Variants in IL1RAPL1 observed in about 807,000 individuals in gnomAD.
IL1RAPL1 encodes interleukin-1 receptor accessory protein-like 1.
IL1RAPL1 carries 3 observed loss-of-function variants against 48.4 expected under a neutral mutation model. That is an observed-to-expected ratio of 0.06 (90% CI 0.03 to 0.16). IL1RAPL1 has a LOEUF of 0.16. IL1RAPL1 is among the 10% of genes least tolerant of loss of function. IL1RAPL1 has a pLI of 1.00. For missense variants in IL1RAPL1, 349 were observed against 530.6 expected (o/e 0.66, Z 3.36); for synonymous variants, 185 against 187.7 (o/e 0.99, Z 0.12).
chrX:29,943,575 TCTA>T (rs1200033902), intron 9 of IL1RAPL1, among the ~76,000 whole-genome samples: 2 of 112,296 alleles, frequency 1.8e-5, no homozygotes, highest in African/African-American at 6.5e-5. Context: ...CATCTAAAGA[TCTA>T]CTGTTGTTTG....
intron 2 of IL1RAPL1, among the ~76,000 whole-genome samples, chrX:29,186,268 T>C (rs1378520404): frequency 8.9e-6 from 1 of 111,840 alleles, no homozygotes; most frequent in African/African-American, 3.2e-5. Flanking sequence ...TGAAAAATGA[T>C]GTAATTGGCC....
intron 6 of IL1RAPL1, among the ~76,000 whole-genome samples, chrX:29,676,961 GCAAAGTAAATGCCAATTTATCAGAA>G (rs1415465680): frequency 1.8e-5 from 2 of 112,103 alleles, no homozygotes; most frequent in Non-Finnish European, 3.8e-5. Flanking sequence ...TCCTGAATTT[GCAAAGTAAATGCCAATTTATCAGAA>G]ATAAACCTAT....
intron 3 of IL1RAPL1, among the ~76,000 whole-genome samples, chrX:29,364,756 C>T (rs1038133651): frequency 9.1e-6 from 1 of 110,345 alleles, no homozygotes; most frequent in Non-Finnish European, 1.9e-5. Flanking sequence ...TTAAAGTATA[C>T]AGGAGGATGT....
At chrX:29,528,669 C>A (rs976053532) in intron 5 of IL1RAPL1, among the ~76,000 whole-genome samples, 4 of 112,118 alleles carry the variant, frequency 3.6e-5, no homozygotes, top group Non-Finnish European at 7.5e-5. Context: ...GGGCTTGGCC[C>A]CTTTGAAGCC....
intron 3 of IL1RAPL1, among the ~76,000 whole-genome samples, chrX:29,367,595 TATTG>T (rs1204762435): frequency 1.9e-5 from 2 of 105,477 alleles, no homozygotes; most frequent in Non-Finnish European, 3.9e-5. Context: ...TTTATTTATT[TATTG>T]AGATGAAGTT....
intron 3 of IL1RAPL1, among the ~76,000 whole-genome samples, chrX:29,333,969 G>A (rs1602177771): frequency 2.4e-5 from 2 of 83,938 alleles, no homozygotes; most frequent in African/African-American, 4.6e-5. Flanking sequence ...CTGGCCGGGC[G>A]GGGGGCTGAC....
chrX:29,009,570 A>G (rs138535313), intron 2 of IL1RAPL1, among the ~76,000 whole-genome samples: 61 of 111,657 alleles, frequency 5.5e-4, no homozygotes, highest in Non-Finnish European at 8.9e-4. Context: ...TGCTGTAGGC[A>G]TGTGACTTTA....
Position 29,413,473 on chromosome X carries a change from T to C in IL1RAPL1, c.703+14165T>C, listed in dbSNP as rs757767100. Among the ~76,000 whole-genome samples, 754 of 108,583 alleles carry C rather than the reference T, an allele frequency of 6.9e-3. 12 individuals are homozygous for C. Among genetic ancestry groups the C allele is most frequent in the African/African-American group, 0.024 (720 of 29,564 alleles). 94.3% of individuals were successfully genotyped at this position (108,583 alleles called of 115,157 possible). ...CACCCATTAACTCGTCATTTAACAT[T>C]AGGTATATCTCCTAATGCTATCCCT... is the stretch of plus-strand genomic sequence containing the variant. On this transcript the variant is annotated intron_variant, in intron 5 of 10. Coordinates refer to ENST00000378993, the MANE Select transcript of IL1RAPL1 (RefSeq NM_014271.4).
intron 1 of IL1RAPL1, among the ~76,000 whole-genome samples, chrX:28,661,450 TTGTTA>T (rs1239241163): frequency 1.3e-4 from 15 of 111,721 alleles, no homozygotes; most frequent in Admixed American, 1.9e-4. Context: ...TAGTGGGAAT[TTGTTA>T]TGTTAAATAA....
At position 29,680,468 on chromosome X, in the gene IL1RAPL1, G is replaced by T. The variant is rs144195276; in HGVS notation, c.778+11964G>T. Among the ~76,000 whole-genome samples, 15 of 110,773 alleles carry T rather than the reference G, an allele frequency of 1.4e-4. No homozygotes were observed. In the East Asian group the frequency reaches 3.7e-3, roughly 27 times the overall value. On this transcript the variant is annotated intron_variant, in intron 6 of 10. Transcript: ENST00000378993. ...ATCACTATGGCATTAGAGGTGAGGG[G>T]CATTGGCTCAGTGGCTGTTGTGTGT...
chrX:28,819,086 A>G (rs1401338299), intron 2 of IL1RAPL1, among the ~76,000 whole-genome samples: 1 of 111,022 alleles, frequency 9.0e-6, no homozygotes, highest in African/African-American at 3.3e-5. Context: ...GTGAGTTACA[A>G]GTCAGTCCCT....
chrX:29,067,153 A>T (rs752204779), intron 2 of IL1RAPL1, among the ~76,000 whole-genome samples: 6 of 111,394 alleles, frequency 5.4e-5, no homozygotes, highest in Non-Finnish European at 7.5e-5. Flanking sequence ...TGGGAGTTGG[A>T]CTACAGAGCT....
At chrX:28,727,945 A>G (rs1307898819) in intron 1 of IL1RAPL1, among the ~76,000 whole-genome samples, 2 of 110,088 alleles carry the variant, frequency 1.8e-5, no homozygotes, top group Non-Finnish European at 3.8e-5. Context: ...GGGGAGGGAT[A>G]GCATTGGGAG....
Position 28,994,579 on chromosome X carries a change from C to A in IL1RAPL1, c.82+205154C>A, listed in dbSNP as rs1261605640. ...ATGAGAGGCCCATACCTCTGAATAG[C>A]AAATGTTGTATCAAATTAAGAAGTT... On this transcript the variant is annotated intron_variant, in intron 2 of 10. Coordinates refer to ENST00000378993, the MANE Select transcript of IL1RAPL1 (RefSeq NM_014271.4). Among the ~76,000 whole-genome samples, 8 of 111,249 alleles carry A rather than the reference C, an allele frequency of 7.2e-5. No individual in the cohort carries two copies. The East Asian group carries it at 2.3e-3, about 32-fold the overall frequency.
chrX:28,690,272 C>G (rs1286818895), intron 1 of IL1RAPL1, among the ~76,000 whole-genome samples: 4 of 112,003 alleles, frequency 3.6e-5, no homozygotes, highest in Non-Finnish European at 7.5e-5. Flanking sequence ...ATCGTACTTT[C>G]TCTTTGACCT....
intron 2 of IL1RAPL1, chrX:28,942,427 A>G (rs1924185755): frequency 9.1e-6 from 1 of 109,342 alleles, no homozygotes; most frequent in South Asian, 3.8e-4. Context: ...CTAAACTATA[A>G]TCATTTTTAC....
rs754879980 is a variant in IL1RAPL1 at position 29,585,748 on chromosome X, T to C, written c.704-82682T>C. On this transcript the variant is annotated intron_variant, in intron 5 of 10. Transcript: ENST00000378993. ...GGTGATGTCATATGTCATTTTGATA[T>C]GCATTTTCCTGATGATTAGTGACAT... is the stretch of plus-strand genomic sequence containing the variant. 3.8e-3 allele frequency among the ~76,000 whole-genome samples: 428 copies of C among 112,104 alleles called. 6 individuals carry two copies. The highest frequency in any genetic ancestry group is 0.013 in the African/African-American group (411 of 30,885).
intron 3 of IL1RAPL1, among the ~76,000 whole-genome samples, chrX:29,352,736 A>T (rs750345887): frequency 7.4e-5 from 8 of 107,628 alleles, no homozygotes; most frequent in Non-Finnish European, 1.3e-4. Context: ...TTGAGCTCTG[A>T]TTTTACTTAG....
chrX:28,950,786 G>A (rs1254163731), intron 2 of IL1RAPL1, among the ~76,000 whole-genome samples: 2 of 106,452 alleles, frequency 1.9e-5, no homozygotes, highest in Admixed American at 2.0e-4. Flanking sequence ...ATACCCAAAG[G>A]ACTATAAATC....
Sources: allele counts gnomAD v4.1 joint callset (sites outside exome capture counted in the v4.1 genomes callset), GRCh38; gene constraint gnomAD v4.1.1; transcripts MANE v1.5; gene names NCBI Gene and HGNC (gene_info 2026-07-23, HGNC 2026-07-21).